The following BIN2 variants were observed in gnomAD, a reference collection of about 807,000 sequenced individuals.
BIN2 encodes bridging integrator 2.
BIN2 carries 43 observed loss-of-function variants against 67.9 expected under a neutral mutation model. The ratio of observed to expected loss-of-function variants is 0.63; its 90% CI spans 0.50 to 0.82. BIN2 has a LOEUF of 0.82. Among genes scored for constraint, BIN2 ranks in the 40% least tolerant of loss-of-function variants. BIN2 has a pLI of 0.00. For synonymous variants in BIN2, 244 were observed against 246.8 expected, an observed-to-expected ratio of 0.99 and a Z score of 0.11; for missense variants, 581 against 671.6, an observed-to-expected ratio of 0.87 and a Z score of 1.49.
Position 51,281,381 on chromosome 12 carries a change from C to T in BIN2, c.*118G>A. On this transcript the variant is annotated 3_prime_UTR_variant, in exon 13 of 13. Coordinates refer to ENST00000615107, the MANE Select transcript of BIN2 (RefSeq NM_016293.4). ...ATGCCAGGTCTTTAGACAGCACCAG[C>T]ATTCCTACTGAGAACCCAGGGATGG... is the stretch of plus-strand genomic sequence containing the variant. 1 of 1,120,470 alleles carries T rather than the reference C, an allele frequency of 8.9e-7. No individual in the cohort carries two copies. The highest frequency in any genetic ancestry group is 1.3e-6 in the Non-Finnish European group (1 of 742,112). 69.4% of individuals were successfully genotyped at this position (1,120,470 alleles called of 1,614,324 possible). A position where few individuals can be genotyped will look rare whatever the true frequency, so the allele number is the denominator to read the frequency against.
chr12:51,284,654 A>G (rs1945192518), intron 12 of BIN2, 62 bp downstream of exon 12: 4 of 1,334,470 alleles, frequency 3.0e-6, no homozygotes, highest in Non-Finnish European at 3.2e-6. Flanking sequence ...TGAAGATTCC[A>G]GCCTTTTCCC....
chr12:51,308,819 T>C (rs1945929948), intron 2 of BIN2, among the ~76,000 whole-genome samples: 1 of 151,968 alleles, frequency 6.6e-6, no homozygotes, highest in Non-Finnish European at 1.5e-5. Context: ...AAATTACCTA[T>C]AGAAGAAATG....
At chr12:51,287,099 C>T (rs1264372544) in intron 11 of BIN2, among the ~76,000 whole-genome samples, 2 of 151,822 alleles carry the variant, frequency 1.3e-5, no homozygotes, top group Non-Finnish European at 2.9e-5. Context: ...GCTAGGATTA[C>T]AGCCACCTTG....
At position 51,293,293 on chromosome 12, in the gene BIN2, AC is replaced by A. The variant is rs779299794; in HGVS notation, c.762-950del. Among the ~76,000 whole-genome samples, 747 of 151,138 alleles carry A rather than the reference AC, an allele frequency of 4.9e-3. 7 individuals are homozygous for A. The highest frequency in any genetic ancestry group is 0.016 in the African/African-American group (669 of 41,370). ...TCTAGAATATATCAGCCAAAAAAAA[AC>A]CACCTTATTTTTATTTATTTTTTTA... On this transcript the variant is annotated intron_variant, in intron 9 of 12. Coordinates refer to ENST00000615107, the MANE Select transcript of BIN2 (RefSeq NM_016293.4).
Position 51,288,116 on chromosome 12 carries a change from A to C in BIN2, c.1588T>G (p.Ser530Ala), listed in dbSNP as rs748702925. The change falls in exon 11 of 13, where the codon TCC becomes GCC. Residue 530 changes from serine to alanine, a missense_variant. Transcript: ENST00000615107. ...EKDNKLISAN[S>A]SEGQDQLQVS... is the part of the protein sequence containing the mutation. The stretch of plus-strand genomic sequence containing the variant: ...ACTTAGGCTTTTAGTACCTCCGAGG[A>C]GTTAGCTGAGATAAGCTTATTATCC... The C allele has an allele frequency of 1.1e-5, 17 of 1,612,510 alleles. No homozygotes were observed. Among genetic ancestry groups the C allele is most frequent in the Non-Finnish European group, 1.4e-5 (16 of 1,178,594 alleles).
At chr12:51,291,521 C>T (rs988422620) in intron 10 of BIN2, 70 bp downstream of exon 10, 18 of 1,436,786 alleles carry the variant, frequency 1.3e-5, no homozygotes, top group South Asian at 2.9e-5. Context: ...CCAGCCTGGA[C>T]GCCTGAGTGA....
intron 8 of BIN2, 77 bp from the exon 9 acceptor site, chr12:51,295,955 C>T: frequency 5.2e-6 from 6 of 1,147,170 alleles, no homozygotes; most frequent in Non-Finnish European, 3.9e-6. Context: ...CCCTCCCCTT[C>T]AGACAGCTTC....
intron 12 of BIN2, 35 bp downstream of exon 12, chr12:51,284,681 A>C (rs745946942): frequency 1.3e-6 from 2 of 1,524,516 alleles, no homozygotes; most frequent in African/African-American, 2.7e-5. Context: ...CTGTCAATCT[A>C]ATGCCCAATC....
intron 2 of BIN2, among the ~76,000 whole-genome samples, chr12:51,304,799 G>A (rs1945825142): frequency 1.4e-5 from 2 of 145,448 alleles, no homozygotes; most frequent in Admixed American, 6.9e-5. Flanking sequence ...GGCGGATCAC[G>A]AGGTCAGGAG....
intron 10 of BIN2, among the ~76,000 whole-genome samples, chr12:51,288,609 C>A (rs76266109): frequency 6.6e-6 from 1 of 151,894 alleles, no homozygotes; most frequent in African/African-American, 2.4e-5. Context: ...ACTGTCATAC[C>A]CCACCTCCTA....
chr12:51,285,727 G>A (rs1945221736), intron 11 of BIN2, among the ~76,000 whole-genome samples: 1 of 150,822 alleles, frequency 6.6e-6, no homozygotes, highest in South Asian at 2.1e-4. Flanking sequence ...AGGTTCAAGC[G>A]ATTCTCCTGC....
intron 1 of BIN2, among the ~76,000 whole-genome samples, chr12:51,318,817 G>A (rs186964235): frequency 6.6e-6 from 1 of 152,264 alleles, no homozygotes; most frequent in East Asian, 1.9e-4. Context: ...CTTTCTCAGA[G>A]CTGCCCTACA....
chr12:51,302,175 G>A, intron 4 of BIN2, 60 bp from the exon 5 acceptor site: 1 of 1,281,464 alleles, frequency 7.8e-7, no homozygotes, highest in Non-Finnish European at 1.1e-6. Flanking sequence ...CTGCCTACCA[G>A]GGAAATACCC....
chr12:51,291,471 A>G, intron 10 of BIN2, 120 bp downstream of exon 10: 1 of 960,192 alleles, frequency 1.0e-6, no homozygotes. Context: ...TGAGCTTGAG[A>G]GGTCGAGACT....
rs774127762 is a variant in BIN2 at position 51,299,251 on chromosome 12, T to C, written c.554A>G (p.Glu185Gly). ...EEFNKAQTVF[E>G]DLNQELLEEL... ...CTCTAGTAGTTCTTGGTTCAGATCT[T>C]CAAACACAGTCTGGGCTTTGTTGAA... The change falls in exon 7 of 13, where the codon GAA becomes GGA. Residue 185 changes from glutamate to glycine, a missense_variant. Glu to Gly is a moderately conservative substitution (Grantham distance 98). Coordinates refer to ENST00000615107, the MANE Select transcript of BIN2 (RefSeq NM_016293.4). 4 of 1,613,730 alleles carry C rather than the reference T, an allele frequency of 2.5e-6. No individual in the cohort carries two copies. The East Asian group carries it at 6.7e-5, about 27-fold the overall frequency.
chr12:51,289,678 T>C (rs527940196), intron 10 of BIN2, among the ~76,000 whole-genome samples: 1 of 152,172 alleles, frequency 6.6e-6, no homozygotes, highest in Non-Finnish European at 1.5e-5. Context: ...AACTAGTTGC[T>C]CTTCAATGGG....
At chr12:51,313,216 A>AAGGCAGGC (rs1555172214) in intron 2 of BIN2, among the ~76,000 whole-genome samples, 1 of 91,642 alleles carries the variant, frequency 1.1e-5, no homozygotes. Context: ...GGAAGGAAGG[A>AAGGCAGGC]AGGAAGGCAG....
intron 1 of BIN2, among the ~76,000 whole-genome samples, chr12:51,321,398 C>CT (rs920229260): frequency 8.6e-5 from 13 of 151,742 alleles, no homozygotes; most frequent in East Asian, 7.7e-4. Flanking sequence ...GAGAGAATCA[C>CT]TTTGTCTTTT....
chr12:51,324,129 C>T lies in BIN2; in HGVS notation c.-27G>A, dbSNP rs1164870359. 6.8e-6 allele frequency: 11 copies of T among 1,610,542 alleles called. No individual in the cohort carries two copies. Among genetic ancestry groups the T allele is most frequent in the East Asian group, 2.2e-5 (1 of 44,746 alleles). ...CTGCCAACTCCCTGGGGGCCGCCGC[C>T]CTGGCCCCGCGCCCTGTGGTTTTCT... On this transcript the variant is annotated 5_prime_UTR_variant, in exon 1 of 13. Coordinates refer to ENST00000615107, the MANE Select transcript of BIN2 (RefSeq NM_016293.4).
Sources: gnomAD v4.1 joint callset for allele counts (sites outside exome capture counted in the v4.1 genomes callset) on GRCh38, gnomAD v4.1.1 for gene constraint, MANE v1.5 for transcripts, NCBI Gene and HGNC (gene_info 2026-07-23, HGNC 2026-07-21) for gene names.